The following FLRT2 variants were observed in gnomAD, a reference collection of about 807,000 sequenced individuals.
The protein encoded by FLRT2 is leucine-rich repeat transmembrane protein FLRT2.
In FLRT2, 15 loss-of-function variants were observed where a neutral mutation model predicts 40.0. The ratio of observed to expected loss-of-function variants is 0.38; its 90% CI spans 0.25 to 0.58. The LOEUF is 0.58. Among genes scored for constraint, FLRT2 ranks in the 20% least tolerant of loss-of-function variants. FLRT2 has a pLI of 0.71. For synonymous variants in FLRT2, 380 were observed against 336.8 expected (o/e 1.13, Z -1.41); for missense variants, 726 against 840.0 (o/e 0.86, Z 1.68).
At chr14:85,586,004 C>G (rs1019605955) in intron 1 of FLRT2, among the ~76,000 whole-genome samples, 2 of 148,104 alleles carry the variant, frequency 1.4e-5, no homozygotes, top group South Asian at 4.3e-4. Flanking sequence ...TCATTAAAAG[C>G]ATATATTTTA....
At position 85,627,694 on chromosome 14, in the gene FLRT2, C is replaced by T. The variant is rs1487838610; in HGVS notation, c.*4197C>T. ...TGCCAAGTGTGTGTCGCTCATAGGA[C>T]TAGTGTATATTCACTGAAAGTTAAC... On this transcript the variant is annotated 3_prime_UTR_variant, in exon 2 of 2. Coordinates refer to ENST00000330753, the MANE Select transcript of FLRT2 (RefSeq NM_013231.6). 1 of 166,998 alleles carries T rather than the reference C, an allele frequency of 6.0e-6. No individual in the cohort carries two copies. The highest frequency in any genetic ancestry group is 1.5e-5 in the Non-Finnish European group (1 of 68,130). 10.3% of individuals were successfully genotyped at this position (166,998 alleles called of 1,614,324 possible).
intron 1 of FLRT2, among the ~76,000 whole-genome samples, chr14:85,567,635 A>ATTTTTT (rs34161461): frequency 4.0e-5 from 3 of 75,064 alleles, no homozygotes; most frequent in African/African-American, 9.8e-5. Context: ...AGTGACTTAC[A>ATTTTTT]TTTTTTTTTT....
At chr14:85,583,748 G>A (rs1891494223) in intron 1 of FLRT2, among the ~76,000 whole-genome samples, 1 of 152,178 alleles carries the variant, frequency 6.6e-6, no homozygotes, top group Non-Finnish European at 1.5e-5. Context: ...AGAGGCAGAA[G>A]CCTCCTGAAA....
Position 85,653,539 on chromosome 14 carries a change from A to G in FLRT2, c.*30042A>G, listed in dbSNP as rs954764217. Reference sequence around the variant, plus strand: ...TAAAAATACCTCTGCTAGGGGATCTATTAGTATTCTCCACATTGCTACTGA... The same window carrying G: ...TAAAAATACCTCTGCTAGGGGATCTGTTAGTATTCTCCACATTGCTACTGA... On this transcript the variant is annotated 3_prime_UTR_variant, in exon 2 of 2. Transcript: ENST00000330753. 6.6e-6 allele frequency: 1 copy of G among 152,198 alleles called. No homozygotes were observed. The highest frequency in any genetic ancestry group is 1.5e-5 in the Non-Finnish European group (1 of 68,052). The allele number at this position is 152,198 out of a possible 1,614,324, so 9.4% of individuals were successfully genotyped here. A position where few individuals can be genotyped will look rare whatever the true frequency, so the allele number is the denominator to read the frequency against.
intron 1 of FLRT2, among the ~76,000 whole-genome samples, chr14:85,540,052 G>GTT (rs35799053): frequency 0.28 from 42,917 of 152,016 alleles, 6,868 homozygotes; most frequent in Middle Eastern, 0.43. Context: ...TTTGGAAAGA[G>GTT]AATTTTGAGG....
chr14:85,574,572 A>G (rs891153015), intron 1 of FLRT2, among the ~76,000 whole-genome samples: 1 of 152,116 alleles, frequency 6.6e-6, no homozygotes, highest in Non-Finnish European at 1.5e-5. Flanking sequence ...ACGCCTTTTC[A>G]ATTTTTGGTT....
In FLRT2 at chr14:85,637,208, TAAAAGCATTAAC is replaced by T. The variant is rs1430112738; in HGVS notation, c.*13714_*13725del. The T allele has an allele frequency of 6.6e-6, 1 of 152,158 alleles. No individual in the cohort carries two copies. The highest frequency in any genetic ancestry group is 1.5e-5 in the Non-Finnish European group (1 of 68,014). 9.4% of individuals were successfully genotyped at this position (152,158 alleles called of 1,614,324 possible). On this transcript the variant is annotated 3_prime_UTR_variant, in exon 2 of 2. Transcript: ENST00000330753. ...ATTTTCATCTAGACAAAGAAGTTAT[TAAAAGCATTAAC>T]AAGTAGTTGAAAATATTATCCCTCT...
In FLRT2 at chr14:85,630,136, A is replaced by G. The variant is rs1222785065; in HGVS notation, c.*6639A>G. ...TTATGCTCTTTTTTTTTCCCATAAC[A>G]TAGATAAAAATGTGTGCTTTAGGGG... is the stretch of plus-strand genomic sequence containing the variant. On this transcript the variant is annotated 3_prime_UTR_variant, in exon 2 of 2. Coordinates refer to ENST00000330753, the MANE Select transcript of FLRT2 (RefSeq NM_013231.6). 6.6e-6 allele frequency: 1 copy of G among 152,066 alleles called. No homozygotes were observed. Among genetic ancestry groups the G allele is most frequent in the East Asian group, 1.9e-4 (1 of 5,186 alleles). 9.4% of individuals were successfully genotyped at this position (152,066 alleles called of 1,614,324 possible). A position where few individuals can be genotyped will look rare whatever the true frequency, so the allele number is the denominator to read the frequency against.
chr14:85,608,177 G>A (rs1003564306), intron 1 of FLRT2, among the ~76,000 whole-genome samples: 1 of 152,014 alleles, frequency 6.6e-6, no homozygotes, highest in Non-Finnish European at 1.5e-5. Context: ...GGTGGGAACA[G>A]TTTAGTCCAT....
chr14:85,571,637 G>A (rs112204026), intron 1 of FLRT2, among the ~76,000 whole-genome samples: 93 of 152,228 alleles, frequency 6.1e-4, no homozygotes, highest in African/African-American at 2.1e-3. Context: ...TTATTTAGGT[G>A]GGCTGTGGTG....
At chr14:85,586,791 A>G (rs1305834184) in intron 1 of FLRT2, among the ~76,000 whole-genome samples, 3 of 152,232 alleles carry the variant, frequency 2.0e-5, no homozygotes, top group African/African-American at 7.2e-5. Flanking sequence ...TTTTAACGCC[A>G]TTCAGGCAAA....
chr14:85,552,165 A>G (rs1188992074), intron 1 of FLRT2, among the ~76,000 whole-genome samples: 7 of 152,168 alleles, frequency 4.6e-5, no homozygotes. Flanking sequence ...TCATCTGTAC[A>G]AGGCCGGGCA....
intron 1 of FLRT2, among the ~76,000 whole-genome samples, chr14:85,594,828 GC>G (rs1178445478): frequency 6.6e-6 from 1 of 151,986 alleles, no homozygotes; most frequent in East Asian, 1.9e-4. Context: ...ACTACTAATA[GC>G]CTATTGTTGA....
Position 85,642,169 on chromosome 14 carries a change from C to G in FLRT2, c.*18672C>G, listed in dbSNP as rs913891254. The G allele has an allele frequency of 1.4e-5, 2 of 147,778 alleles. No homozygotes were observed. Among genetic ancestry groups the G allele is most frequent in the Non-Finnish European group, 3.0e-5 (2 of 67,056 alleles). 9.2% of individuals were successfully genotyped at this position (147,778 alleles called of 1,614,324 possible). ...AAAAGAAAGAAAGAAAAAAATGGCA[C>G]ACAGTGTCTGATCTTGTTTATTGCT... is the stretch of plus-strand genomic sequence containing the variant. On this transcript the variant is annotated 3_prime_UTR_variant, in exon 2 of 2. Coordinates refer to ENST00000330753, the MANE Select transcript of FLRT2 (RefSeq NM_013231.6).
intron 1 of FLRT2, among the ~76,000 whole-genome samples, chr14:85,590,243 G>A (rs1196712100): frequency 6.6e-6 from 1 of 152,106 alleles, no homozygotes; most frequent in Non-Finnish European, 1.5e-5. Flanking sequence ...GGTGGGGGCA[G>A]TGAGGCAAAA....
At chr14:85,552,159 C>T (rs1889665675) in intron 1 of FLRT2, among the ~76,000 whole-genome samples, 1 of 152,166 alleles carries the variant, frequency 6.6e-6, no homozygotes, top group Admixed American at 6.5e-5. Context: ...GTTTCTTCAT[C>T]TGTACAAGGC....
intron 1 of FLRT2, among the ~76,000 whole-genome samples, chr14:85,571,860 G>A (rs1490401636): frequency 6.6e-6 from 1 of 152,178 alleles, no homozygotes; most frequent in East Asian, 1.9e-4. Flanking sequence ...ATAGAAAGGT[G>A]AACATGTGTG....
At chr14:85,560,895 TGCAGACAA>T (rs1224399748) in intron 1 of FLRT2, 2 of 152,096 alleles carry the variant, frequency 1.3e-5, no homozygotes, top group Admixed American at 6.5e-5. Flanking sequence ...TAAGAAAAAA[TGCAGACAA>T]GCAATTACTC....
chr14:85,560,748 A>C (rs957887490), intron 1 of FLRT2: 12 of 152,064 alleles, frequency 7.9e-5, no homozygotes, highest in African/African-American at 2.9e-4. Flanking sequence ...ATAAGAAAAA[A>C]AAAAAAATTA....
Sources: allele counts gnomAD v4.1 joint callset (sites outside exome capture counted in the v4.1 genomes callset), GRCh38; gene constraint gnomAD v4.1.1; transcripts MANE v1.5; gene names NCBI Gene and HGNC (gene_info 2026-07-23, HGNC 2026-07-21).